The following JRK variants were observed in gnomAD, a reference collection of about 807,000 sequenced individuals.
JRK encodes the protein jerky protein homolog.
For synonymous variants in JRK, 303 were observed against 218.1 expected (o/e 1.39, Z -3.43); for missense variants, 720 against 509.2 (o/e 1.41, Z -3.98).
In JRK at chr8:142,665,068, T is replaced by C. The variant is rs1554635498; in HGVS notation, c.991A>G (p.Met331Val). The change falls in exon 2 of 2, where the codon ATG becomes GTG. Residue 331 changes from methionine (M) to valine (V), a missense_variant. Physicochemically the swap from Met to Val is conservative, Grantham distance 21. Transcript: ENST00000612905. ...AAATCTCTCCGAATGCCCTGCTCCA[T>C]GGGCTGCACCAATGAGGCCACGCTG... ...PASVASLVQP[M>V]EQGIRRDFMR... 4 of 717,522 alleles carry C rather than the reference T, an allele frequency of 5.6e-6. No homozygotes were observed. The highest frequency in any genetic ancestry group is 1.7e-5 in the African/African-American group (1 of 57,248). 44.4% of individuals were successfully genotyped at this position (717,522 alleles called of 1,614,324 possible).
rs587690409 is a variant in JRK, at chr8:142,661,028, C to T, written c.*3324G>A. ...CACCACTAGCAATCAATCACTTGGC[C>T]CACTGGATAAGAACAGTGGCCTGCG... On this transcript the variant is annotated 3_prime_UTR_variant, in exon 2 of 2. Transcript: ENST00000612905. 6.4e-5 allele frequency: 63 copies of T among 985,386 alleles called. No individual in the cohort carries two copies. The African/African-American group carries it at 1.1e-3, about 17-fold the overall frequency. 61.0% of individuals were successfully genotyped at this position (985,386 alleles called of 1,614,324 possible).
At position 142,663,981 on chromosome 8, in the gene JRK, CAG is replaced by C. The variant is rs1482211242; in HGVS notation, c.*369_*370del. 3.9e-6 allele frequency: 4 copies of C among 1,037,790 alleles called. No individual in the cohort carries two copies. In the African/African-American group the frequency reaches 6.7e-5, roughly 17 times the overall value. The allele number at this position is 1,037,790 out of a possible 1,614,324, so 64.3% of individuals were successfully genotyped here. A position where few individuals can be genotyped will look rare whatever the true frequency, so the allele number is the denominator to read the frequency against. On this transcript the variant is annotated 3_prime_UTR_variant, in exon 2 of 2. Transcript: ENST00000612905. The stretch of plus-strand genomic sequence containing the variant: ...GGAGGGCAACTTCTCTCCACGTGGA[CAG>C]ACTGACATCTCCACCCTCTGATACT...
chr8:142,646,871 T>C, the JRK span, among the ~76,000 whole-genome samples: 1 of 152,236 alleles, frequency 6.6e-6, no homozygotes, highest in Admixed American at 6.5e-5. Context: ...TGTAGATTCC[T>C]AAGACCTCCT....
chr8:142,661,914 A>C lies in JRK; in HGVS notation c.*2438T>G. On this transcript the variant is annotated 3_prime_UTR_variant, in exon 2 of 2. Transcript: ENST00000612905. ...GCGTTCTGGGGGACAGGACCGAGGC[A>C]AGAGGTATGCACCAGGCAGCTGGGC... 1 of 985,588 alleles carries C rather than the reference A, an allele frequency of 1.0e-6. No individual in the cohort carries two copies. The highest frequency in any genetic ancestry group is 1.2e-6 in the Non-Finnish European group (1 of 830,038). 61.1% of individuals were successfully genotyped at this position (985,588 alleles called of 1,614,324 possible). A position where few individuals can be genotyped will look rare whatever the true frequency, so the allele number is the denominator to read the frequency against.
Position 142,659,179 on chromosome 8 carries a change from C to G in JRK, c.*5173G>C. 1 of 1,309,458 alleles carries G rather than the reference C, an allele frequency of 7.6e-7. No homozygotes were observed. Among genetic ancestry groups the G allele is most frequent in the Non-Finnish European group, 9.8e-7 (1 of 1,025,138 alleles). The allele number at this position is 1,309,458 out of a possible 1,614,324, so 81.1% of individuals were successfully genotyped here. ...CCTCCCACTGAGCCTCATGGTCACC[C>G]CAGAGGACAGGCCTTCCTTTCACAC... On this transcript the variant is annotated 3_prime_UTR_variant, in exon 2 of 2. Transcript: ENST00000612905.
downstream of JRK, among the ~76,000 whole-genome samples, chr8:142,653,806 G>A (rs4736342): frequency 0.56 from 85,498 of 151,908 alleles, 25,000 homozygotes; most frequent in Admixed American, 0.66. Flanking sequence ...TGCATCCCTA[G>A]CCAATCAGCA....
In JRK at chr8:142,661,736, C is replaced by G. The variant is rs1164178689; in HGVS notation, c.*2616G>C. 2.0e-6 allele frequency: 2 copies of G among 985,378 alleles called. No homozygotes were observed. Among genetic ancestry groups the G allele is most frequent in the Admixed American group, 6.1e-5 (1 of 16,274 alleles). The allele number at this position is 985,378 out of a possible 1,614,324, so 61.0% of individuals were successfully genotyped here. On this transcript the variant is annotated 3_prime_UTR_variant, in exon 2 of 2. Transcript: ENST00000612905. ...AACAGAGTGAAGAGACACAGCCTCA[C>G]AGAGCTGTGCTGTGGTGTCTGGTAC... is the stretch of plus-strand genomic sequence containing the variant.
chr8:142,665,675 G>A lies in JRK; in HGVS notation c.384C>T (p.Pro128=). The A allele has an allele frequency of 1.4e-6, 1 of 727,950 alleles. No individual in the cohort carries two copies. 45.1% of individuals were successfully genotyped at this position (727,950 alleles called of 1,614,324 possible). ...DFYEQMQLTE[P]CVFSGGWLWR... Reference sequence around the variant, plus strand: ...AAAGCCACCCTCCGGAGAACACGCAGGGCTCAGTGAGCTGCATCTGCTCGT... The same window carrying A: ...AAAGCCACCCTCCGGAGAACACGCAAGGCTCAGTGAGCTGCATCTGCTCGT... Residue 128 remains proline, a synonymous_variant, in exon 2 of 2, where the codon CCC becomes CCT. Transcript: ENST00000612905.
At chr8:142,644,201 T>A in the JRK span, among the ~76,000 whole-genome samples, 4 of 152,202 alleles carry the variant, frequency 2.6e-5, no homozygotes, top group Non-Finnish European at 5.9e-5. Flanking sequence ...ATAGCTTTTT[T>A]ACAAAATCAC....
the JRK span, among the ~76,000 whole-genome samples, chr8:142,647,335 C>A: frequency 2.0e-5 from 3 of 152,072 alleles, no homozygotes; most frequent in Non-Finnish European, 4.4e-5. Context: ...AGTTGTACAG[C>A]AAAATAAATG....
rs59300327 is a variant in JRK at position 142,669,163 on chromosome 8, A to AGTGTGTGTGT, written c.-463+759_-463+768dup. 7.9e-3 allele frequency among the ~76,000 whole-genome samples: 1,082 copies of AGTGTGTGTGT among 136,182 alleles called. 14 individuals are homozygous for AGTGTGTGTGT. Among genetic ancestry groups the AGTGTGTGTGT allele is most frequent in the East Asian group, 0.068 (289 of 4,224 alleles). The allele number at this position is 136,182 out of a possible 152,430, so 89.3% of individuals were successfully genotyped here. Reference sequence around the variant, plus strand: ...CGGGAAACAACCTTCGCAGGGGCATAGTGTGTGTGTGTGTGTGTGTGTGTG... The same window carrying AGTGTGTGTGT: ...CGGGAAACAACCTTCGCAGGGGCATAGTGTGTGTGTGTGTGTGTGTGTGTGTGTGTGTGTG... On this transcript the variant is annotated intron_variant, in intron 1 of 1. Coordinates refer to ENST00000612905, the MANE Select transcript of JRK (RefSeq NM_003724.4).
In JRK at chr8:142,665,868, C is replaced by A. The variant is rs782605678; in HGVS notation, c.191G>T (p.Arg64Leu). The change falls in exon 2 of 2, where the codon CGG becomes CTG. Residue 64 changes from arginine to leucine, a missense_variant. Transcript: ENST00000612905. ...GTTGGAGTCGGAGCTGGCGAAGAAC[C>A]GGAGCAGCTGCGCCTTGTGGGCCCT... The part of the protein sequence containing the change: ...DIRAHKAQLL[R>L]FFASSDSNKA... 1.3e-6 allele frequency: 1 copy of A among 781,780 alleles called. No individual in the cohort carries two copies. The highest frequency in any genetic ancestry group is 1.7e-5 in the African/African-American group (1 of 59,314). The allele number at this position is 781,780 out of a possible 1,614,324, so 48.4% of individuals were successfully genotyped here. A position where few individuals can be genotyped will look rare whatever the true frequency, so the allele number is the denominator to read the frequency against.
At chr8:142,649,529 C>A in the JRK span, among the ~76,000 whole-genome samples, 1 of 152,198 alleles carries the variant, frequency 6.6e-6, no homozygotes, top group Admixed American at 6.5e-5. Context: ...TCGTTCCATT[C>A]CCCCATGATT....
rs587625135 is a variant in JRK at position 142,659,515 on chromosome 8, G to C, written c.*4837C>G. ...GCTCTCTGCGATAGGGCCCAGCCAT[G>C]GCCAGTGGGCCTCCCACAATCTGCC... On this transcript the variant is annotated 3_prime_UTR_variant, in exon 2 of 2. Coordinates refer to ENST00000612905, the MANE Select transcript of JRK (RefSeq NM_003724.4). 5 of 985,868 alleles carry C rather than the reference G, an allele frequency of 5.1e-6. No individual in the cohort carries two copies. The African/African-American group carries it at 8.7e-5, about 17-fold the overall frequency. 61.1% of individuals were successfully genotyped at this position (985,868 alleles called of 1,614,324 possible).
Position 142,664,208 on chromosome 8 carries a change from C to T in JRK, c.*144G>A. The T allele has an allele frequency of 1.4e-6, 2 of 1,404,128 alleles. No homozygotes were observed. Among genetic ancestry groups the T allele is most frequent in the Non-Finnish European group, 1.9e-6 (2 of 1,077,056 alleles). The allele number at this position is 1,404,128 out of a possible 1,614,324, so 87.0% of individuals were successfully genotyped here. Reference sequence around the variant, plus strand: ...CAGACCGTCCTGGGCACCCGAGCCACACCCGTGGGCGACCCACTCCTGGAA... The same window carrying T: ...CAGACCGTCCTGGGCACCCGAGCCATACCCGTGGGCGACCCACTCCTGGAA... On this transcript the variant is annotated 3_prime_UTR_variant, in exon 2 of 2. Transcript: ENST00000612905.
In JRK at chr8:142,666,228, A is replaced by C. The variant is rs1847124979; in HGVS notation, c.-170T>G. The C allele has an allele frequency of 3.4e-6, 4 of 1,177,836 alleles. No individual in the cohort carries two copies. The highest frequency in any genetic ancestry group is 4.8e-6 in the Non-Finnish European group (4 of 826,956). The allele number at this position is 1,177,836 out of a possible 1,614,324, so 73.0% of individuals were successfully genotyped here. On this transcript the variant is annotated 5_prime_UTR_variant, in exon 2 of 2. Transcript: ENST00000612905. Reference sequence around the variant, plus strand: ...GGCCCCAGTCCCTCTCGGGTTTCTCACTCCACACGCTGCACCTCCTGCCTC... The same window carrying C: ...GGCCCCAGTCCCTCTCGGGTTTCTCCCTCCACACGCTGCACCTCCTGCCTC...
chr8:142,647,368 T>A, the JRK span, among the ~76,000 whole-genome samples: 4 of 152,180 alleles, frequency 2.6e-5, no homozygotes, highest in Non-Finnish European at 4.4e-5. Context: ...CAAATTTTGA[T>A]AGGTTTGGCT....
In JRK at chr8:142,666,045, G is replaced by A. The variant is rs184845447; in HGVS notation, c.14C>T (p.Pro5Leu). MASK[P>L]AAGKSRGEKR... ...CTCCCCTCTGCTCTTCCCGGCAGCC[G>A]GCTTGGAGGCCATGGGGAGGGGTGG... Residue 5 changes from proline (P) to leucine (L), a missense_variant, in exon 2 of 2, where the codon CCG becomes CTG. By Grantham distance (98) the Pro-to-Leu change is moderately conservative (BLOSUM62 -3). Transcript: ENST00000612905. 305 of 1,603,892 alleles carry A rather than the reference G, an allele frequency of 1.9e-4. 2 individuals carry two copies. The Middle Eastern group carries it at 2.5e-3, about 13-fold the overall frequency.
chr8:142,660,691 C>A lies in JRK; in HGVS notation c.*3661G>T. On this transcript the variant is annotated 3_prime_UTR_variant, in exon 2 of 2. Coordinates refer to ENST00000612905, the MANE Select transcript of JRK (RefSeq NM_003724.4). ...TACTGGGATTTCAGGCAGAAGCCAC[C>A]ACACCCGGATCCCCAATAAGCACAT... 1.0e-6 allele frequency: 1 copy of A among 985,418 alleles called. No homozygotes were observed. The highest frequency in any genetic ancestry group is 4.7e-5 in the South Asian group (1 of 21,294). 61.0% of individuals were successfully genotyped at this position (985,418 alleles called of 1,614,324 possible).
Sources: allele counts gnomAD v4.1 joint callset (sites outside exome capture counted in the v4.1 genomes callset), GRCh38; gene constraint gnomAD v4.1.1; transcripts MANE v1.5; gene names NCBI Gene and HGNC (gene_info 2026-07-23, HGNC 2026-07-21).